MAPK8IP3: variants seen among roughly 807,000 people sequenced by gnomAD.
MAPK8IP3 encodes C-Jun-amino-terminal kinase-interacting protein 3.
Under a neutral mutation model 157.8 loss-of-function variants are expected in MAPK8IP3, and 49 were observed. The ratio of observed to expected loss-of-function variants is 0.31; its 90% CI spans 0.25 to 0.39. The LOEUF is 0.39. Ranked by LOEUF, MAPK8IP3 falls within the 10% of genes least tolerant of loss-of-function variation. MAPK8IP3 has a pLI of 1.00. For synonymous variants in MAPK8IP3, 897 were observed against 777.7 expected, an observed-to-expected ratio of 1.15 and a Z score of -2.55; for missense variants, 1,478 against 1,889.4, an observed-to-expected ratio of 0.78 and a Z score of 4.04.
At chr16:1,734,309 A>AC (rs1435232378) in intron 4 of MAPK8IP3, among the ~76,000 whole-genome samples, 2 of 152,112 alleles carry the variant, frequency 1.3e-5, no homozygotes, top group African/African-American at 4.8e-5. Flanking sequence ...TGGCTGGGCT[A>AC]CCCCTGCCTC....
Position 1,741,109 on chromosome 16 carries a change from CAT to C in MAPK8IP3, c.603-2221_603-2220del, listed in dbSNP as rs2040649952. ...TCTCTGCATCAGTCGGACCTGGACT[CAT>C]AGCCCAGCTCCCTCACTCACCAGCC... On this transcript the variant is annotated intron_variant, in intron 4 of 31. Coordinates refer to ENST00000610761, the MANE Select transcript of MAPK8IP3 (RefSeq NM_001318852.2). The surrounding 1 kb of genome is among the most constrained non-coding windows in gnomAD (Gnocchi z 6.9). Among the ~76,000 whole-genome samples the C allele has an allele frequency of 2.0e-5, 3 of 152,268 alleles. No individual in the cohort carries two copies. The highest frequency in any genetic ancestry group is 4.1e-4 in the South Asian group (2 of 4,824).
At chr16:1,726,682 A>T (rs1037667364) in intron 2 of MAPK8IP3, among the ~76,000 whole-genome samples, 14 of 152,158 alleles carry the variant, frequency 9.2e-5, no homozygotes, top group African/African-American at 3.1e-4. Flanking sequence ...TCTCAAAAAA[A>T]ATCAAATTAC....
rs1567208130 is a variant in MAPK8IP3 at position 1,765,246 on chromosome 16, C to G, written c.2446+68C>G. 2.0e-6 allele frequency: 3 copies of G among 1,497,942 alleles called. No individual in the cohort carries two copies. In the Admixed American group the frequency reaches 5.8e-5, roughly 29 times the overall value. The allele number at this position is 1,497,942 out of a possible 1,614,324, so 92.8% of individuals were successfully genotyped here. A position where few individuals can be genotyped will look rare whatever the true frequency, so the allele number is the denominator to read the frequency against. On this transcript the variant is annotated intron_variant, in intron 20 of 31. Coordinates refer to ENST00000610761, the MANE Select transcript of MAPK8IP3 (RefSeq NM_001318852.2). Reference sequence around the variant, plus strand: ...TTTTACTAGCAAGCTAAGTAAAAGCCCTGCCACACAGCAGCTGCCTTCTCG... The same window carrying G: ...TTTTACTAGCAAGCTAAGTAAAAGCGCTGCCACACAGCAGCTGCCTTCTCG...
chr16:1,716,402 AT>A (rs1019256795), intron 1 of MAPK8IP3, among the ~76,000 whole-genome samples: 4 of 149,502 alleles, frequency 2.7e-5, no homozygotes, highest in Non-Finnish European at 3.0e-5. Context: ...AGTTCAAGAG[AT>A]TCTCCTGCCT....
intron 4 of MAPK8IP3, among the ~76,000 whole-genome samples, chr16:1,735,665 A>G (rs1412318966): frequency 9.5e-6 from 1 of 105,472 alleles, no homozygotes; most frequent in Non-Finnish European, 1.8e-5. Context: ...CCATGTGAGC[A>G]TCCGTGTGAC....
At chr16:1,766,495 G>A (rs749410634) in intron 22 of MAPK8IP3, 34 bp from the exon 23 acceptor site, 62 of 1,606,520 alleles carry the variant, frequency 3.9e-5, no homozygotes, top group African/African-American at 2.9e-4. Flanking sequence ...TGCGTGCTCC[G>A]TGGCCCCCCC....
At position 1,758,174 on chromosome 16, in the gene MAPK8IP3, C is replaced by G; in HGVS notation, c.1228+15C>G. 6.2e-7 allele frequency: 1 copy of G among 1,613,616 alleles called. No homozygotes were observed. Among genetic ancestry groups the G allele is most frequent in the Non-Finnish European group, 8.5e-7 (1 of 1,179,770 alleles). On this transcript the variant is annotated intron_variant, in intron 9 of 31. Coordinates refer to ENST00000610761, the MANE Select transcript of MAPK8IP3 (RefSeq NM_001318852.2). ...GGAGTTCTCAGGTGAGTATCTCACT[C>G]TCCTGTCTGTCTCCCCTCTGTGTGA...
chr16:1,731,664 T>C (rs911646080), intron 4 of MAPK8IP3, among the ~76,000 whole-genome samples: 1 of 152,202 alleles, frequency 6.6e-6, no homozygotes. Context: ...GCTTTGAGGA[T>C]TTCCTGTTAG....
chr16:1,730,792 A>C (rs377477984), intron 4 of MAPK8IP3, among the ~76,000 whole-genome samples: 14 of 150,664 alleles, frequency 9.3e-5, no homozygotes, highest in African/African-American at 3.4e-4. Context: ...GCAGTGAGCC[A>C]AGATCGCACC....
Position 1,748,263 on chromosome 16 carries a change from G to A in MAPK8IP3, c.1014G>A (p.Glu338=), listed in dbSNP as rs1243213048. 1.2e-6 allele frequency: 2 copies of A among 1,613,974 alleles called. No individual in the cohort carries two copies. The highest frequency in any genetic ancestry group is 4.5e-5 in the East Asian group (2 of 44,874). ...CCCTAGGCATGGGCAGCAGTGACGA[G>A]TGGTCTGATGTTCAAGACATTATTG... ...NVSIGMGSSD[E]WSDVQDIIDS... The change falls in exon 7 of 32, where the codon GAG becomes GAA. Residue 338 remains glutamate (E), a synonymous_variant. Transcript: ENST00000610761.
At chr16:1,754,356 T>G (rs8063431) in intron 8 of MAPK8IP3, among the ~76,000 whole-genome samples, 1 of 152,082 alleles carries the variant, frequency 6.6e-6, no homozygotes, top group Non-Finnish European at 1.5e-5. Flanking sequence ...AGTTATACTA[T>G]GTGCCTTGCA....
intron 5 of MAPK8IP3, chr16:1,746,292 C>T (rs966031842): frequency 2.0e-5 from 3 of 152,224 alleles, no homozygotes; most frequent in Non-Finnish European, 4.4e-5. Flanking sequence ...ATGTTTGTTT[C>T]GCATTCCGCA....
intron 2 of MAPK8IP3, among the ~76,000 whole-genome samples, chr16:1,725,445 T>C (rs2038814656): frequency 6.7e-6 from 1 of 150,162 alleles, no homozygotes; most frequent in South Asian, 2.1e-4. Flanking sequence ...CTGGCCAACA[T>C]GGCGAAACCC....
At chr16:1,748,012 C>T (rs1015684211) in intron 6 of MAPK8IP3, among the ~76,000 whole-genome samples, 2 of 152,232 alleles carry the variant, frequency 1.3e-5, no homozygotes, top group African/African-American at 4.8e-5. Context: ...CTGACACTCC[C>T]ATGCAGAGAG....
intron 4 of MAPK8IP3, among the ~76,000 whole-genome samples, chr16:1,739,218 G>GCATC (rs2040410430): frequency 2.6e-5 from 3 of 117,176 alleles, no homozygotes; most frequent in African/African-American, 3.3e-5. Context: ...GTCCGTGTGA[G>GCATC]CGTGTGACCG....
chr16:1,735,996 G>A (rs367639369), intron 4 of MAPK8IP3, among the ~76,000 whole-genome samples: 217 of 145,130 alleles, frequency 1.5e-3, no homozygotes, highest in African/African-American at 4.7e-3. Flanking sequence ...GTGAGCATCC[G>A]TGTGACCGTC....
rs921635163 is a variant in MAPK8IP3 at position 1,766,328 on chromosome 16, C to T, written c.2738C>T (p.Ala913Val). The part of the protein sequence containing the change: ...PDPGPSEPET[A>V]TLRPGPLTEH... ...CCTGGGCCCAGCGAGCCAGAGACAG[C>T]CACATTGCGGCCCGGGCCTCTCACA... Residue 913 changes from alanine (A) to valine (V), a missense_variant, in exon 22 of 32, where the codon GCC becomes GTC. Ala to Val is a moderately conservative substitution (Grantham distance 64). Transcript: ENST00000610761. 1.2e-6 allele frequency: 2 copies of T among 1,612,730 alleles called. No homozygotes were observed. Among genetic ancestry groups the T allele is most frequent in the East Asian group, 4.5e-5 (2 of 44,884 alleles).
chr16:1,749,814 C>T (rs2041188175), intron 8 of MAPK8IP3, among the ~76,000 whole-genome samples: 1 of 152,206 alleles, frequency 6.6e-6, no homozygotes, highest in Non-Finnish European at 1.5e-5. Flanking sequence ...GGGGGACCTC[C>T]AGGGAGCAGA....
At chr16:1,737,049 C>T (rs545942894) in intron 4 of MAPK8IP3, among the ~76,000 whole-genome samples, 23 of 59,818 alleles carry the variant, frequency 3.8e-4, no homozygotes, top group Admixed American at 1.0e-3. Context: ...TCCGTGTGAC[C>T]GTCCGTGTGA....
Sources: gnomAD v4.1 joint callset for allele counts (sites outside exome capture counted in the v4.1 genomes callset) on GRCh38, gnomAD v4.1.1 for gene constraint, Gnocchi (gnomAD v3.1) non-coding constraint, MANE v1.5 for transcripts, NCBI Gene and HGNC (gene_info 2026-07-23, HGNC 2026-07-21) for gene names.